NELL1: variants seen among roughly 807,000 people sequenced by gnomAD.
The protein encoded by NELL1 is protein kinase C-binding protein NELL1.
NELL1 carries 76 observed loss-of-function variants against 107.4 expected under a neutral mutation model. That is an observed-to-expected ratio of 0.71 (90% confidence interval 0.59 to 0.86). NELL1 has a LOEUF of 0.86. NELL1 is among the 40% of genes least tolerant of loss of function. The pLI, the probability that NELL1 is intolerant of heterozygous loss-of-function variation, is 0.00. For synonymous variants in NELL1, 353 were observed against 341.2 expected (o/e 1.03, Z -0.38); for missense variants, 1,024 against 1,005.5 (o/e 1.02, Z -0.25).
In NELL1 at chr11:20,939,922, T is replaced by C. The variant is rs189203311; in HGVS notation, c.1071+2063T>C. 1.7e-3 allele frequency among the ~76,000 whole-genome samples: 265 copies of C among 152,248 alleles called. 1 individual carries two copies. Among genetic ancestry groups the C allele is most frequent in the Admixed American group, 4.8e-3 (73 of 15,292 alleles). The stretch of plus-strand genomic sequence containing the variant: ...CTCTCTAAAACTTAGTATTTTAGGA[T>C]TATTTCTGTATTTTATGATTATTTC... On this transcript the variant is annotated intron_variant, in intron 10 of 19. Coordinates refer to ENST00000357134, the MANE Select transcript of NELL1 (RefSeq NM_006157.5).
intron 14 of NELL1, among the ~76,000 whole-genome samples, chr11:21,252,905 T>A (rs1252240851): frequency 1.3e-5 from 2 of 152,156 alleles, no homozygotes; most frequent in African/African-American, 4.8e-5. Flanking sequence ...CTACCCCTGA[T>A]TAATAACTTT....
chr11:21,473,198 G>T (rs1357080859), intron 15 of NELL1, among the ~76,000 whole-genome samples: 2 of 152,018 alleles, frequency 1.3e-5, no homozygotes, highest in Non-Finnish European at 2.9e-5. Context: ...TGTTGGAGGG[G>T]TGAGGGCAAC....
intron 14 of NELL1, among the ~76,000 whole-genome samples, chr11:21,273,100 A>T (rs575352906): frequency 6.6e-6 from 1 of 151,870 alleles, no homozygotes; most frequent in Non-Finnish European, 1.5e-5. Flanking sequence ...CGATCAAACT[A>T]CTCCGAGCTA....
intron 14 of NELL1, among the ~76,000 whole-genome samples, chr11:21,263,590 T>C (rs1220194048): frequency 2.0e-5 from 3 of 151,908 alleles, no homozygotes; most frequent in African/African-American, 7.2e-5. Flanking sequence ...CCCATCTTTT[T>C]CTAGGCTGGT....
chr11:20,919,175 C>T (rs374019625), intron 6 of NELL1, 77 bp from the exon 7 acceptor site: 25 of 842,980 alleles, frequency 3.0e-5, no homozygotes, highest in Middle Eastern at 3.5e-4. Flanking sequence ...TACATAGTCA[C>T]GTATCTACTG....
chr11:20,829,900 T>C (rs1034470005), intron 3 of NELL1, among the ~76,000 whole-genome samples: 1 of 152,168 alleles, frequency 6.6e-6, no homozygotes, highest in Non-Finnish European at 1.5e-5. Flanking sequence ...TTATCCTTGA[T>C]TGCTTGGTTA....
chr11:20,959,487 AT>A (rs1851245897), intron 11 of NELL1, among the ~76,000 whole-genome samples: 1 of 152,232 alleles, frequency 6.6e-6, no homozygotes, highest in Admixed American at 6.5e-5. Flanking sequence ...CTACTCAGCA[AT>A]AAAAAGGAAT....
intron 13 of NELL1, among the ~76,000 whole-genome samples, chr11:21,225,913 G>A (rs918786667): frequency 6.6e-6 from 1 of 152,118 alleles, no homozygotes; most frequent in Non-Finnish European, 1.5e-5. Flanking sequence ...ATTTTACAAT[G>A]AGGAATCTAA....
intron 13 of NELL1, among the ~76,000 whole-genome samples, chr11:21,213,065 G>C (rs1857536086): frequency 6.6e-6 from 1 of 152,144 alleles, no homozygotes. Context: ...ACTAGTAACT[G>C]ATGTGTAGAA....
intron 12 of NELL1, among the ~76,000 whole-genome samples, chr11:21,049,105 G>T (rs181259163): frequency 1.0e-3 from 157 of 152,288 alleles, no homozygotes; most frequent in African/African-American, 3.5e-3. Context: ...GTCCTGCATT[G>T]AAATAAATGG....
At chr11:21,149,990 G>A (rs191915826) in intron 13 of NELL1, among the ~76,000 whole-genome samples, 190 of 152,174 alleles carry the variant, frequency 1.2e-3, no homozygotes, top group Admixed American at 3.4e-3. Context: ...CTTTGAAGGC[G>A]GTGGCTTTTG....
At chr11:21,428,358 AAAAC>A (rs1255763155) in intron 15 of NELL1, among the ~76,000 whole-genome samples, 36 of 152,324 alleles carry the variant, frequency 2.4e-4, no homozygotes, top group African/African-American at 8.4e-4. Flanking sequence ...GAAAAGGAGT[AAAAC>A]AAAAGGGTTT....
At chr11:20,840,174 A>G (rs1848596557) in intron 3 of NELL1, among the ~76,000 whole-genome samples, 1 of 152,242 alleles carries the variant, frequency 6.6e-6, no homozygotes, top group Admixed American at 6.5e-5. Context: ...GTATAGTTAT[A>G]TATCTGTGGT....
chr11:20,843,721 T>G (rs1848658559), intron 3 of NELL1, among the ~76,000 whole-genome samples: 1 of 150,386 alleles, frequency 6.6e-6, no homozygotes, highest in Non-Finnish European at 1.5e-5. Context: ...GTATCAATTT[T>G]GGGGAAAATG....
intron 12 of NELL1, among the ~76,000 whole-genome samples, chr11:21,077,705 C>T (rs1010840956): frequency 1.6e-4 from 24 of 150,300 alleles, no homozygotes; most frequent in African/African-American, 5.4e-4. Flanking sequence ...ATTGCATCAC[C>T]GCACTTCAGC....
At chr11:20,880,229 A>G (rs7939708) in intron 4 of NELL1, among the ~76,000 whole-genome samples, 86,964 of 152,144 alleles carry the variant, frequency 0.57, 28,541 homozygotes, top group Non-Finnish European at 0.74. Flanking sequence ...ATAAGTAAGC[A>G]TCTAAGATAT....
At chr11:21,384,050 A>G (rs1851677600) in intron 15 of NELL1, 1 of 151,954 alleles carries the variant, frequency 6.6e-6, no homozygotes, top group Admixed American at 6.6e-5. Context: ...CTTAACTTTT[A>G]AAATATATCT....
intron 13 of NELL1, among the ~76,000 whole-genome samples, chr11:21,183,033 G>A (rs941039443): frequency 6.6e-6 from 1 of 151,856 alleles, no homozygotes; most frequent in Non-Finnish European, 1.5e-5. Flanking sequence ...GAGCCTGAGA[G>A]GGAACGGCTG....
intron 2 of NELL1, among the ~76,000 whole-genome samples, chr11:20,779,705 A>G (rs1214634941): frequency 2.0e-5 from 3 of 152,232 alleles, no homozygotes; most frequent in Admixed American, 6.5e-5. Context: ...AAATTGTAGA[A>G]TCTAGGTTTC....
Sources: gnomAD v4.1 joint callset for allele counts (sites outside exome capture counted in the v4.1 genomes callset) on GRCh38, gnomAD v4.1.1 for gene constraint, MANE v1.5 for transcripts, NCBI Gene and HGNC (gene_info 2026-07-23, HGNC 2026-07-21) for gene names.